The following ECHDC3 variants were observed in gnomAD, a reference collection of about 807,000 sequenced individuals.
ECHDC3 encodes the protein enoyl-CoA hydratase domain-containing protein 3, mitochondrial.
In ECHDC3, 20 loss-of-function variants were observed where a neutral mutation model predicts 17.9. The ratio of observed to expected loss-of-function variants is 1.12; its 90% CI spans 0.79 to 1.63. The LOEUF (loss-of-function observed/expected upper bound fraction) is 1.63, where lower values mean the gene tolerates loss of function less well. Among genes scored for constraint, ECHDC3 ranks in the 40% most tolerant of loss-of-function variants. ECHDC3 has a pLI of 0.00. For missense variants in ECHDC3, 407 were observed against 357.7 expected, an observed-to-expected ratio of 1.14 and a Z score of -1.11; for synonymous variants, 177 against 149.7, an observed-to-expected ratio of 1.18 and a Z score of -1.33.
At chr10:11,756,745 C>G (rs1832889732) in intron 4 of ECHDC3, among the ~76,000 whole-genome samples, 1 of 151,006 alleles carries the variant, frequency 6.6e-6, no homozygotes, top group Non-Finnish European at 1.5e-5. Flanking sequence ...TAAACTCATT[C>G]AGTAATTTTT....
At chr10:11,749,659 C>T in intron 3 of ECHDC3, 67 bp downstream of exon 3, 1 of 1,505,078 alleles carries the variant, frequency 6.6e-7, no homozygotes, top group Non-Finnish European at 9.2e-7. Context: ...TTGAGTTCGC[C>T]TTCGACCTTA....
chr10:11,759,638 G>A (rs1331435467), intron 4 of ECHDC3, among the ~76,000 whole-genome samples: 1 of 152,214 alleles, frequency 6.6e-6, no homozygotes, highest in Non-Finnish European at 1.5e-5. Flanking sequence ...GACGTGGGGA[G>A]AGTCCCTTGT....
chr10:11,751,615 A>G (rs748687081), intron 3 of ECHDC3, among the ~76,000 whole-genome samples: 8 of 152,218 alleles, frequency 5.3e-5, no homozygotes, highest in Non-Finnish European at 1.0e-4. Context: ...AACTATACCA[A>G]TTGGTTACAG....
rs774354221 is a variant in ECHDC3 at position 11,749,492 on chromosome 10, CA to C, written c.293-2del. 1.4e-5 allele frequency: 22 copies of C among 1,613,718 alleles called. No individual in the cohort carries two copies. In the South Asian group the frequency reaches 2.2e-4, roughly 16 times the overall value. On this transcript the variant is annotated splice_acceptor_variant, in intron 2 of 4. Coordinates refer to ENST00000379215, the MANE Select transcript of ECHDC3 (RefSeq NM_024693.5). LOFTEE classifies it high-confidence loss of function. ...TTCTTTTCTCAATTGGAAACATTTG[CA>C]GCTGAGGGGCCTGTGTTTTCTTCTG... is the stretch of plus-strand genomic sequence containing the variant.
chr10:11,753,734 T>C lies in ECHDC3; in HGVS notation c.391-1674T>C, dbSNP rs889555230. On this transcript the variant is annotated intron_variant, in intron 3 of 4. Transcript: ENST00000379215. ...GAACCCCCTAAATCCGTGAATAGTG[T>C]TGTGTACAGGTGTTTACTTATCTGT... Among the ~76,000 whole-genome samples, 4 of 151,994 alleles carry C rather than the reference T, an allele frequency of 2.6e-5. No individual in the cohort carries two copies. The East Asian group carries it at 5.8e-4, about 22-fold the overall frequency.
Position 11,755,441 on chromosome 10 carries a change from G to A in ECHDC3, c.424G>A (p.Val142Ile), listed in dbSNP as rs756966284. 14 of 1,613,678 alleles carry A rather than the reference G, an allele frequency of 8.7e-6. No homozygotes were observed. The highest frequency in any genetic ancestry group is 1.7e-4 in the Middle Eastern group (1 of 6,060). The change falls in exon 4 of 5, where the codon GTC (valine) becomes ATC (isoleucine). Residue 142 changes from valine to isoleucine, a missense_variant. By Grantham distance (29) the Val-to-Ile change is conservative. Coordinates refer to ENST00000379215, the MANE Select transcript of ECHDC3 (RefSeq NM_024693.5). Reference sequence around the variant, plus strand: ...GCACATCCGGAACCACCCCGTTCCCGTCATTGCCATGGTCAATGGCCTGGC... The same window carrying A: ...GCACATCCGGAACCACCCCGTTCCCATCATTGCCATGGTCAATGGCCTGGC... The part of the protein sequence containing the change: ...MMHIRNHPVP[V>I]IAMVNGLAAA...
At chr10:11,747,911 T>A (rs1398355666) in intron 2 of ECHDC3, among the ~76,000 whole-genome samples, 1 of 152,262 alleles carries the variant, frequency 6.6e-6, no homozygotes, top group Non-Finnish European at 1.5e-5. Flanking sequence ...TCTGCTAATT[T>A]GTTTGCTTGC....
intron 4 of ECHDC3, among the ~76,000 whole-genome samples, chr10:11,757,969 G>A (rs1299693140): frequency 1.3e-5 from 2 of 152,162 alleles, no homozygotes; most frequent in Non-Finnish European, 2.9e-5. Flanking sequence ...CAGGCCCACC[G>A]AGTATTTTGG....
At chr10:11,760,876 G>T (rs1031278638) in intron 4 of ECHDC3, among the ~76,000 whole-genome samples, 5 of 152,218 alleles carry the variant, frequency 3.3e-5, no homozygotes, top group African/African-American at 1.2e-4. Flanking sequence ...TTCAACCAGG[G>T]CTTCAGACAC....
At chr10:11,761,225 C>G (rs1832946969) in intron 4 of ECHDC3, among the ~76,000 whole-genome samples, 1 of 152,180 alleles carries the variant, frequency 6.6e-6, no homozygotes, top group Admixed American at 6.5e-5. Context: ...AAACTGGGAG[C>G]AGTATTGGCC....
At chr10:11,761,514 A>G (rs1397569865) in intron 4 of ECHDC3, among the ~76,000 whole-genome samples, 1 of 152,260 alleles carries the variant, frequency 6.6e-6, no homozygotes, top group Non-Finnish European at 1.5e-5. Context: ...TCAAGACAAC[A>G]GAATTTGCAA....
chr10:11,753,806 A>T (rs1347326062), intron 3 of ECHDC3, among the ~76,000 whole-genome samples: 9 of 152,048 alleles, frequency 5.9e-5, no homozygotes, highest in Non-Finnish European at 1.2e-4. Context: ...ACAGAGTCTC[A>T]CTGTGTCACC....
At chr10:11,756,044 G>A (rs957817162) in intron 4 of ECHDC3, among the ~76,000 whole-genome samples, 8 of 152,200 alleles carry the variant, frequency 5.3e-5, no homozygotes, top group South Asian at 4.1e-4. Context: ...TAGTAGTGTC[G>A]CTGGCTCACT....
In ECHDC3 at chr10:11,763,632, A is replaced by G; in HGVS notation, c.*88A>G. On this transcript the variant is annotated 3_prime_UTR_variant, in exon 5 of 5. Transcript: ENST00000379215. This position sits in a 1 kb window ranked among gnomAD's most constrained non-coding sequence, Gnocchi z 4.9. ...GCCACCACTGCCTCTCAGCTTCAAC[A>G]GGTGACAGGCTGCTTTCGTGACTTG... The G allele has an allele frequency of 3.5e-6, 5 of 1,435,374 alleles. No homozygotes were observed. Among genetic ancestry groups the G allele is most frequent in the Non-Finnish European group, 4.6e-6 (5 of 1,098,346 alleles). The allele number at this position is 1,435,374 out of a possible 1,614,324, so 88.9% of individuals were successfully genotyped here.
intron 1 of ECHDC3, among the ~76,000 whole-genome samples, chr10:11,744,091 A>G (rs1298179800): frequency 6.6e-6 from 1 of 152,234 alleles, no homozygotes; most frequent in Non-Finnish European, 1.5e-5. Flanking sequence ...CACTGCTGTC[A>G]TGGACCCAGG....
intron 4 of ECHDC3, among the ~76,000 whole-genome samples, chr10:11,760,676 G>C (rs1450685404): frequency 6.6e-6 from 1 of 152,200 alleles, no homozygotes; most frequent in Non-Finnish European, 1.5e-5. Flanking sequence ...GCCTGTGTCA[G>C]TGGAGGGTAA....
Position 11,749,612 on chromosome 10 carries a change from G to A in ECHDC3, c.390+20G>A, listed in dbSNP as rs369976445. ...TCCAAGGTAAGCCAAGACGACAGTC[G>A]ACAGTGCAAACCTGCAAATGATCAT... On this transcript the variant is annotated intron_variant, in intron 3 of 4. Coordinates refer to ENST00000379215, the MANE Select transcript of ECHDC3 (RefSeq NM_024693.5). 46 of 1,611,406 alleles carry A rather than the reference G, an allele frequency of 2.9e-5. No individual in the cohort carries two copies. Among genetic ancestry groups the A allele is most frequent in the African/African-American group, 2.7e-4 (20 of 74,802 alleles).
At chr10:11,746,654 G>T (rs551060037) in intron 1 of ECHDC3, among the ~76,000 whole-genome samples, 1 of 152,132 alleles carries the variant, frequency 6.6e-6, no homozygotes, top group African/African-American at 2.4e-5. Flanking sequence ...TAAAAAATTG[G>T]GTCGGGCATG....
intron 4 of ECHDC3, among the ~76,000 whole-genome samples, chr10:11,756,044 G>C (rs957817162): frequency 4.6e-5 from 7 of 152,200 alleles, no homozygotes; most frequent in Admixed American, 4.6e-4. Context: ...TAGTAGTGTC[G>C]CTGGCTCACT....
Sources: gnomAD v4.1 joint callset for allele counts (sites outside exome capture counted in the v4.1 genomes callset) on GRCh38, gnomAD v4.1.1 for gene constraint, Gnocchi (gnomAD v3.1) non-coding constraint, MANE v1.5 for transcripts, NCBI Gene and HGNC (gene_info 2026-07-23, HGNC 2026-07-21) for gene names.